The following PRORP variants were observed in gnomAD, a reference collection of about 807,000 sequenced individuals.
The protein encoded by PRORP is mitochondrial ribonuclease P catalytic subunit.
In PRORP, 51 loss-of-function variants were observed where a neutral mutation model predicts 59.4. The ratio of observed to expected loss-of-function variants is 0.86; its 90% CI spans 0.69 to 1.08. The LOEUF (loss-of-function observed/expected upper bound fraction) is 1.08, where lower values mean the gene tolerates loss of function less well. Among genes scored for constraint, PRORP ranks in the 50% least tolerant of loss-of-function variants. PRORP has a pLI of 0.00. For synonymous variants in PRORP, 231 were observed against 245.6 expected (o/e 0.94, Z 0.55); for missense variants, 646 against 690.3 (o/e 0.94, Z 0.72).
chr14:35,192,616 A>C (rs941512682), intron 5 of PRORP, among the ~76,000 whole-genome samples: 9 of 152,332 alleles, frequency 5.9e-5, no homozygotes, highest in Middle Eastern at 3.4e-3. Context: ...TTTTCTTTTC[A>C]GTTATCACTA....
At chr14:35,146,534 G>A (rs1408473740) in intron 4 of PRORP, among the ~76,000 whole-genome samples, 1 of 152,064 alleles carries the variant, frequency 6.6e-6, no homozygotes, top group Non-Finnish European at 1.5e-5. Flanking sequence ...TGGGTTTGAA[G>A]ATCTTGTCAT....
At chr14:35,217,782 A>G (rs962580131) in intron 5 of PRORP, among the ~76,000 whole-genome samples, 3 of 152,094 alleles carry the variant, frequency 2.0e-5, no homozygotes, top group Non-Finnish European at 4.4e-5. Flanking sequence ...TGGACTCTCA[A>G]TTTTATTCCA....
At chr14:35,270,065 T>C (rs1321696660) in intron 6 of PRORP, among the ~76,000 whole-genome samples, 5 of 152,216 alleles carry the variant, frequency 3.3e-5, no homozygotes, top group African/African-American at 9.6e-5. Flanking sequence ...AGGTGTGCTC[T>C]GTGATAGATA....
At chr14:35,146,742 T>C (rs1403569397) in intron 4 of PRORP, among the ~76,000 whole-genome samples, 6 of 152,184 alleles carry the variant, frequency 3.9e-5, no homozygotes, top group Non-Finnish European at 8.8e-5. Flanking sequence ...AGCTTTATCG[T>C]AAATATTGCA....
chr14:35,210,750 C>CTTTTTTTTTTTTTTTTTTTTT (rs71435870), intron 5 of PRORP, among the ~76,000 whole-genome samples: 2 of 34,084 alleles, frequency 5.9e-5, no homozygotes, highest in African/African-American at 1.2e-4. Context: ...TTTCTTTTGC[C>CTTTTTTTTTTTTTTTTTTTTT]TTTTTTTTTT....
chr14:35,175,975 C>G (rs1033407410), intron 4 of PRORP, among the ~76,000 whole-genome samples: 1 of 152,068 alleles, frequency 6.6e-6, no homozygotes, highest in Non-Finnish European at 1.5e-5. Context: ...CCAGTTTTCC[C>G]AGCACCATTT....
At chr14:35,240,895 G>A (rs1342527822) in intron 5 of PRORP, among the ~76,000 whole-genome samples, 1 of 152,124 alleles carries the variant, frequency 6.6e-6, no homozygotes, top group African/African-American at 2.4e-5. Context: ...CTCCATATTT[G>A]TGGGTTCCCC....
rs1566476059 is a variant in PRORP, at chr14:35,174,736, CTTCTTTTTTTTTTCTT to C, written c.1168-5931_1168-5916del. Among the ~76,000 whole-genome samples the C allele has an allele frequency of 7.8e-3, 842 of 107,764 alleles. 10 individuals are homozygous for C. Among genetic ancestry groups the C allele is most frequent in the South Asian group, 0.072 (231 of 3,194 alleles). The allele number at this position is 107,764 out of a possible 152,430, so 70.7% of individuals were successfully genotyped here. The stretch of plus-strand genomic sequence containing the variant: ...GACTTAGAGATTTTGACAGTTCATT[CTTCTTTTTTTTTTCTT>C]TTTTTTTTTTTTATTATACTTTAAG... On this transcript the variant is annotated intron_variant, in intron 4 of 7. Transcript: ENST00000534898.
At position 35,130,226 on chromosome 14, in the gene PRORP, G is replaced by A. The variant is rs191502402; in HGVS notation, c.1167+2615G>A. Among the ~76,000 whole-genome samples the A allele has an allele frequency of 2.6e-3, 391 of 151,758 alleles. 2 individuals carry two copies. The highest frequency in any genetic ancestry group is 8.8e-3 in the African/African-American group (366 of 41,406). On this transcript the variant is annotated intron_variant, in intron 4 of 7. Coordinates refer to ENST00000534898, the MANE Select transcript of PRORP (RefSeq NM_014672.4). ...TTTTGTATTTTTTAGTTGAGACGGG[G>A]CTTCACCATGTTAACCAGGATGGTC...
intron 5 of PRORP, among the ~76,000 whole-genome samples, chr14:35,197,927 T>C (rs187566701): frequency 1.7e-3 from 257 of 152,346 alleles, no homozygotes; most frequent in African/African-American, 6.0e-3. Flanking sequence ...GGCTGTAAAT[T>C]CTGTCAGCAA....
chr14:35,196,760 T>A (rs767649039), intron 5 of PRORP, among the ~76,000 whole-genome samples: 3 of 152,152 alleles, frequency 2.0e-5, no homozygotes, highest in Non-Finnish European at 4.4e-5. Flanking sequence ...CTACTTCCTT[T>A]TGTCATGTAT....
At chr14:35,181,234 A>G (rs1262856738) in intron 5 of PRORP, among the ~76,000 whole-genome samples, 2 of 151,902 alleles carry the variant, frequency 1.3e-5, no homozygotes, top group Non-Finnish European at 2.9e-5. Context: ...TTTTTTTTCT[A>G]TATGGTAGCC....
rs1328642488 is a variant in PRORP, at chr14:35,275,037, G to A, written c.*1471G>A. ...GAACAGGCAAAAACTACTCTATTGT[G>A]ATAAAAATCAGAATAGTAATTGCCT... On this transcript the variant is annotated 3_prime_UTR_variant, in exon 8 of 8. Transcript: ENST00000534898. The A allele has an allele frequency of 6.6e-6, 1 of 151,914 alleles. No individual in the cohort carries two copies. Among genetic ancestry groups the A allele is most frequent in the East Asian group, 1.9e-4 (1 of 5,188 alleles). 9.4% of individuals were successfully genotyped at this position (151,914 alleles called of 1,614,324 possible).
upstream of PRORP, chr14:35,122,172 CTA>C (rs1000493206): frequency 5.2e-6 from 3 of 572,496 alleles, no homozygotes; most frequent in African/African-American, 3.7e-5. Flanking sequence ...GGGGAAAAAA[CTA>C]TGAAAGAGAT....
chr14:35,238,732 C>T (rs1367490106), intron 5 of PRORP, among the ~76,000 whole-genome samples: 3 of 152,098 alleles, frequency 2.0e-5, no homozygotes, highest in African/African-American at 7.2e-5. Flanking sequence ...TAAGTTAACA[C>T]GTCTTTTTTT....
At chr14:35,263,170 T>C in intron 5 of PRORP, 3 of 667,146 alleles carry the variant, frequency 4.5e-6, no homozygotes, top group Non-Finnish European at 7.5e-6. Context: ...ACAGAAAGAC[T>C]GGTAAATAGA....
intron 5 of PRORP, among the ~76,000 whole-genome samples, chr14:35,238,985 T>C (rs2050290420): frequency 6.6e-6 from 1 of 152,202 alleles, no homozygotes; most frequent in Non-Finnish European, 1.5e-5. Context: ...GGACTAAGTG[T>C]TGTATTTTTC....
intron 5 of PRORP, among the ~76,000 whole-genome samples, chr14:35,196,397 G>C (rs1009157003): frequency 8.5e-5 from 13 of 152,192 alleles, no homozygotes; most frequent in African/African-American, 3.1e-4. Context: ...AGGAGGCTGA[G>C]GCGGGGGGAG....
chr14:35,189,222 T>G (rs774273359), intron 5 of PRORP, among the ~76,000 whole-genome samples: 2 of 152,078 alleles, frequency 1.3e-5, no homozygotes, highest in Non-Finnish European at 2.9e-5. Flanking sequence ...GTAAATTGTA[T>G]TTTGCTTAAA....
Sources: gnomAD v4.1 joint callset for allele counts (sites outside exome capture counted in the v4.1 genomes callset) on GRCh38, gnomAD v4.1.1 for gene constraint, MANE v1.5 for transcripts, NCBI Gene and HGNC (gene_info 2026-07-23, HGNC 2026-07-21) for gene names.